Variants in DPH6 observed in about 807,000 individuals in gnomAD.
DPH6 encodes the protein diphthamine biosynthesis 6.
A neutral mutation model predicts 38.2 loss-of-function variants in DPH6; 33 were observed. That is an observed-to-expected ratio of 0.86 (90% CI 0.65 to 1.15). The LOEUF is 1.15. Ranked by LOEUF, DPH6 falls within the 50% of genes most tolerant of loss-of-function variation. DPH6 has a pLI of 0.00. For missense variants in DPH6, 325 were observed against 320.0 expected, an observed-to-expected ratio of 1.02 and a Z score of -0.12; for synonymous variants, 108 against 103.0, an observed-to-expected ratio of 1.05 and a Z score of -0.30.
chr15:35,384,817 A>G (rs570909091), intron 6 of DPH6, among the ~76,000 whole-genome samples: 1 of 152,210 alleles, frequency 6.6e-6, no homozygotes, highest in African/African-American at 2.4e-5. Context: ...AGAAACTATC[A>G]TCAGAGTGAA....
chr15:35,461,152 T>C (rs949972030), intron 3 of DPH6, among the ~76,000 whole-genome samples: 1 of 152,216 alleles, frequency 6.6e-6, no homozygotes, highest in Non-Finnish European at 1.5e-5. Flanking sequence ...TGGCGTGATC[T>C]TGGCTCACTG....
chr15:35,145,809 T>C, the DPH6 span, among the ~76,000 whole-genome samples: 2 of 152,220 alleles, frequency 1.3e-5, no homozygotes, highest in African/African-American at 2.4e-5. Context: ...GATATTTCTA[T>C]CTGTATATCC....
At chr15:35,301,019 C>T (rs1003427821) in intron 3 of DPH6, among the ~76,000 whole-genome samples, 1 of 152,126 alleles carries the variant, frequency 6.6e-6, no homozygotes, top group Non-Finnish European at 1.5e-5. Flanking sequence ...GAGATTATTT[C>T]TTGATCTGAG....
chr15:35,456,121 T>A (rs753469643), intron 3 of DPH6, among the ~76,000 whole-genome samples: 6 of 152,152 alleles, frequency 3.9e-5, no homozygotes, highest in Non-Finnish European at 5.9e-5. Flanking sequence ...TCCTTTACTT[T>A]CCTATTTCAG....
At chr15:35,438,276 G>C (rs1286096805) in intron 5 of DPH6, among the ~76,000 whole-genome samples, 15 of 118,434 alleles carry the variant, frequency 1.3e-4, no homozygotes, top group Non-Finnish European at 1.7e-5. Context: ...TTCTTTTTTT[G>C]AGATGGAGTC....
At chr15:35,353,518 A>AC (rs1323368741) in intron 3 of DPH6, among the ~76,000 whole-genome samples, 1 of 152,126 alleles carries the variant, frequency 6.6e-6, no homozygotes, top group Non-Finnish European at 1.5e-5. Flanking sequence ...TTTTCCCAGC[A>AC]CCATTTGTTA....
the DPH6 span, among the ~76,000 whole-genome samples, chr15:35,180,669 A>C: frequency 2.1e-3 from 325 of 152,116 alleles, 3 homozygotes; most frequent in Admixed American, 0.012. Flanking sequence ...TTGTAGAGAC[A>C]GGGATCTTAT....
At chr15:35,210,708 T>TA in the DPH6 span, among the ~76,000 whole-genome samples, 1 of 152,130 alleles carries the variant, frequency 6.6e-6, no homozygotes, top group East Asian at 1.9e-4. Context: ...ACACAGATCT[T>TA]ACTAGGATAT....
At chr15:35,265,846 G>A (rs780847325) in intron 3 of DPH6, among the ~76,000 whole-genome samples, 3 of 152,270 alleles carry the variant, frequency 2.0e-5, no homozygotes, top group Non-Finnish European at 2.9e-5. Flanking sequence ...TAGTCATGGC[G>A]TAGCAGTATT....
chr15:35,313,375 G>A (rs746553647), intron 3 of DPH6, among the ~76,000 whole-genome samples: 1 of 150,732 alleles, frequency 6.6e-6, no homozygotes, highest in Non-Finnish European at 1.5e-5. Context: ...TTTCTGTGAA[G>A]AACATCCTTG....
chr15:35,201,118 A>C, the DPH6 span, among the ~76,000 whole-genome samples: 2 of 147,820 alleles, frequency 1.4e-5, no homozygotes, highest in African/African-American at 5.0e-5. Flanking sequence ...TATTTTTTCT[A>C]TTTTATGAGT....
At chr15:35,544,830 T>C (rs1176667625) in intron 1 of DPH6, among the ~76,000 whole-genome samples, 8 of 152,082 alleles carry the variant, frequency 5.3e-5, no homozygotes, top group Non-Finnish European at 1.2e-4. Context: ...TAAGTCTTTG[T>C]TTGTTGTGCT....
intron 5 of DPH6, among the ~76,000 whole-genome samples, chr15:35,447,490 T>C (rs2053870797): frequency 6.6e-6 from 1 of 152,050 alleles, no homozygotes; most frequent in African/African-American, 2.4e-5. Context: ...CTTTTCCCCA[T>C]GATTGGGCTA....
At chr15:35,333,452 G>C (rs904015527) in intron 3 of DPH6, among the ~76,000 whole-genome samples, 2 of 152,124 alleles carry the variant, frequency 1.3e-5, no homozygotes. Flanking sequence ...GTAGGAAAAA[G>C]GGTTGATCAT....
chr15:35,535,302 G>A (rs1274397183), intron 3 of DPH6, among the ~76,000 whole-genome samples: 1 of 152,024 alleles, frequency 6.6e-6, no homozygotes, highest in East Asian at 1.9e-4. Flanking sequence ...AATGATCTGA[G>A]GAAAAATGAC....
downstream of DPH6, among the ~76,000 whole-genome samples, chr15:35,329,691 A>G (rs1441207256): frequency 6.6e-6 from 1 of 152,156 alleles, no homozygotes; most frequent in African/African-American, 2.4e-5. Context: ...AAAGAAATAC[A>G]TTGTGGTTTC....
At chr15:35,479,240 T>C (rs2054298819) in intron 3 of DPH6, among the ~76,000 whole-genome samples, 1 of 152,040 alleles carries the variant, frequency 6.6e-6, no homozygotes, top group Admixed American at 6.6e-5. Flanking sequence ...TATACAAATA[T>C]AAGCTAAATA....
chr15:35,298,375 C>G, intron 3 of DPH6: 2 of 693,676 alleles, frequency 2.9e-6, no homozygotes, highest in East Asian at 6.6e-5. Flanking sequence ...TTAACTCTCT[C>G]AAATTCTAAA....
chr15:35,410,216 A>G (rs2053347261), intron 6 of DPH6, among the ~76,000 whole-genome samples: 1 of 151,822 alleles, frequency 6.6e-6, no homozygotes, highest in Admixed American at 6.6e-5. Flanking sequence ...AATACTCCAC[A>G]TAGTGTAATA....
Sources: gnomAD v4.1 joint callset for allele counts (sites outside exome capture counted in the v4.1 genomes callset) on GRCh38, gnomAD v4.1.1 for gene constraint, MANE v1.5 for transcripts, NCBI Gene and HGNC (gene_info 2026-07-23, HGNC 2026-07-21) for gene names.